Variants in AGAP2 observed in about 807,000 individuals in gnomAD.
AGAP2 encodes the protein ArfGAP with GTPase domain, ankyrin repeat and PH domain 2.
A neutral mutation model predicts 110.9 loss-of-function variants in AGAP2; 32 were observed. The observed-to-expected ratio is 0.29, with a 90% CI of 0.22 to 0.39. AGAP2 has a LOEUF of 0.39. AGAP2 is among the 10% of genes least tolerant of loss of function. The probability of loss-of-function intolerance (pLI) is 1.00; values close to 1 mark genes in which losing one functional copy is unlikely to be tolerated. For missense variants in AGAP2, 1,285 were observed against 1,638.5 expected, an observed-to-expected ratio of 0.78 and a Z score of 3.72; for synonymous variants, 702 against 713.0, an observed-to-expected ratio of 0.98 and a Z score of 0.25.
At position 57,732,487 on chromosome 12, in the gene AGAP2, G is replaced by A; in HGVS notation, c.1710C>T (p.Arg570=). 1 of 1,591,708 alleles carries A rather than the reference G, an allele frequency of 6.3e-7. No homozygotes were observed. Among genetic ancestry groups the A allele is most frequent in the Non-Finnish European group, 8.6e-7 (1 of 1,168,346 alleles). ...AGGCAGCCAGAAGCTGTTGCTGCTT[G>A]CGCAAGGTCACCACCTTCTGGGCCA... ...QEVAQKVVTL[R]KQQQLLAACK... The change falls in exon 7 of 19, where the codon CGC becomes CGT. Residue 570 remains arginine, a synonymous_variant. Transcript: ENST00000547588.
In AGAP2 at chr12:57,737,247, C is replaced by G. The variant is rs1331963125; in HGVS notation, c.1000G>C (p.Gly334Arg). 5 of 1,612,360 alleles carry G rather than the reference C, an allele frequency of 3.1e-6. No individual in the cohort carries two copies. Among genetic ancestry groups the G allele is most frequent in the Non-Finnish European group, 4.2e-6 (5 of 1,179,494 alleles). ...PAPGLKRGRE[G>R]GRASTRDRKM... ...CGGTCACGAGTGGATGCTCGGCCCC[C>G]CTCCCGGCCCCGTTTCAGCCCCGGA... Residue 334 changes from glycine (G) to arginine (R), a missense_variant, in exon 1 of 19, where the codon GGG (glycine) becomes CGG (arginine). Gly to Arg is a moderately radical substitution (Grantham distance 125, BLOSUM62 -2). Around this residue, in one of 7 missense-constraint regions of AGAP2, gnomAD observed 844 missense variants for 941.2 expected, o/e 0.90. Coordinates refer to ENST00000547588, the MANE Select transcript of AGAP2 (RefSeq NM_001122772.3). This position sits in a 1 kb window ranked among gnomAD's most constrained non-coding sequence, Gnocchi z 5.9.
Position 57,727,970 on chromosome 12 carries a change from G to T in AGAP2, c.2733C>A (p.Ala911=). ...TGCTGCTCTCACAGCATTGCAGACT[G>T]GCTAGGATCTGACTCTCGATGGCCT... ...WVQAIESQIL[A]SLQCCESSKV... The change falls in exon 15 of 19, where the codon GCC becomes GCA. Residue 911 remains alanine, a synonymous_variant. Coordinates refer to ENST00000547588, the MANE Select transcript of AGAP2 (RefSeq NM_001122772.3). 1.9e-6 allele frequency: 3 copies of T among 1,614,154 alleles called. No individual in the cohort carries two copies. The highest frequency in any genetic ancestry group is 2.5e-6 in the Non-Finnish European group (3 of 1,180,014).
rs1224532885 is a variant in AGAP2, at chr12:57,737,215, C to G, written c.1032G>C (p.Met344Ile). 1.2e-6 allele frequency: 2 copies of G among 1,607,856 alleles called. No homozygotes were observed. The highest frequency in any genetic ancestry group is 2.7e-5 in the African/African-American group (2 of 74,850). ...GGRASTRDRK[M>I]LKFISGIFTK... Reference sequence around the variant, plus strand: ...TGAAGATGCCGCTGATAAACTTGAGCATCTTGCGGTCACGAGTGGATGCTC... The same window carrying G: ...TGAAGATGCCGCTGATAAACTTGAGGATCTTGCGGTCACGAGTGGATGCTC... The change falls in exon 1 of 19, where the codon ATG (methionine) becomes ATC (isoleucine). Residue 344 changes from methionine (M) to isoleucine (I), a missense_variant. This residue lies in a region of AGAP2 where 844 missense variants were observed against 941.2 expected (regional missense o/e 0.90). Coordinates refer to ENST00000547588, the MANE Select transcript of AGAP2 (RefSeq NM_001122772.3). This position sits in a 1 kb window ranked among gnomAD's most constrained non-coding sequence, Gnocchi z 5.9.
intron 10 of AGAP2, 139 bp downstream of exon 10, chr12:57,731,227 T>G: frequency 1.2e-6 from 1 of 808,392 alleles, no homozygotes; most frequent in Admixed American, 2.5e-5. Context: ...TGGTGGGCTC[T>G]TAACACATGC....
rs1305950419 is a variant in AGAP2, at chr12:57,728,443, AAAG to A, written c.2558-69_2558-67del. The A allele has an allele frequency of 3.3e-6, 5 of 1,536,418 alleles. No individual in the cohort carries two copies. The East Asian group carries it at 9.0e-5, about 28-fold the overall frequency. ...GCAGAACAGAGAAAGAGAGACCAAG[AAAG>A]AAGGAGAAAAAGACAGGTAGATGGA... On this transcript the variant is annotated intron_variant, in intron 13 of 18. Transcript: ENST00000547588.
At chr12:57,736,978 A>G in intron 1 of AGAP2, 101 bp downstream of exon 1, 2 of 1,439,916 alleles carry the variant, frequency 1.4e-6, no homozygotes, top group South Asian at 3.0e-5. Flanking sequence ...CGCCCACCCC[A>G]GAGAAAAGCT....
chr12:57,727,906 G>T, intron 15 of AGAP2, 31 bp downstream of exon 15: 1 of 1,612,340 alleles, frequency 6.2e-7, no homozygotes, highest in Non-Finnish European at 8.5e-7. Flanking sequence ...AGTTCCTGCG[G>T]CCAGTCCTCC....
upstream of AGAP2, chr12:57,741,776 A>T: frequency 3.0e-6 from 3 of 1,016,534 alleles, no homozygotes; most frequent in Middle Eastern, 2.2e-4. Context: ...CATCCTCCCT[A>T]AATGTATTCT....
In AGAP2 at chr12:57,726,426, GT is replaced by G; in HGVS notation, c.*125del. ...GCGTGGGGGCTGTGCCCTCGTGGGG[GT>G]AGGAAGTGCTCCCGTGGGGCGGGGT... is the stretch of plus-strand genomic sequence containing the variant. On this transcript the variant is annotated 3_prime_UTR_variant, in exon 19 of 19. Coordinates refer to ENST00000547588, the MANE Select transcript of AGAP2 (RefSeq NM_001122772.3). The surrounding 1 kb of genome is among the most constrained non-coding windows in gnomAD (Gnocchi z 5.7). 2 of 974,386 alleles carry G rather than the reference GT, an allele frequency of 2.1e-6. No individual in the cohort carries two copies. Among genetic ancestry groups the G allele is most frequent in the Non-Finnish European group, 2.6e-6 (2 of 781,566 alleles). 60.4% of individuals were successfully genotyped at this position (974,386 alleles called of 1,614,324 possible). A position where few individuals can be genotyped will look rare whatever the true frequency, so the allele number is the denominator to read the frequency against.
Position 57,737,804 on chromosome 12 carries a change from G to C in AGAP2, c.443C>G (p.Pro148Arg), listed in dbSNP as rs750189612. The change falls in exon 1 of 19, where the codon CCG becomes CGG. Residue 148 changes from proline to arginine, a missense_variant. Physicochemically the swap from Pro to Arg is moderately radical, Grantham distance 103. Coordinates refer to ENST00000547588, the MANE Select transcript of AGAP2 (RefSeq NM_001122772.3). This position sits in a 1 kb window ranked among gnomAD's most constrained non-coding sequence, Gnocchi z 5.9. ...TSSRRPLLSSPSWGGPEPEGR... is the reference protein window; with the variant it reads ...TSSRRPLLSSRSWGGPEPEGR... ...TTCGGGCTCCGGGCCGCCCCAGCTC[G>C]GGCTGCTGAGCAGGGGGCGCCGGGA... 3 of 1,524,034 alleles carry C rather than the reference G, an allele frequency of 2.0e-6. No individual in the cohort carries two copies. The highest frequency in any genetic ancestry group is 2.6e-6 in the Non-Finnish European group (3 of 1,142,258). 94.4% of individuals were successfully genotyped at this position (1,524,034 alleles called of 1,614,324 possible).
Position 57,726,661 on chromosome 12 carries a change from G to T in AGAP2, c.3470C>A (p.Thr1157Asn). 8.3e-7 allele frequency: 1 copy of T among 1,205,388 alleles called. No individual in the cohort carries two copies. Among genetic ancestry groups the T allele is most frequent in the Non-Finnish European group, 1.0e-6 (1 of 970,618 alleles). 74.7% of individuals were successfully genotyped at this position (1,205,388 alleles called of 1,614,324 possible). Residue 1157 changes from threonine (T) to asparagine (N), a missense_variant, in exon 19 of 19, where the codon ACC (threonine) becomes AAC (asparagine). Physicochemically the swap from Thr to Asn is moderately conservative, Grantham distance 65 (BLOSUM62 0). This residue lies in a region of AGAP2 where 201 missense variants were observed against 276.1 expected (regional missense o/e 0.73). Transcript: ENST00000547588. This position sits in a 1 kb window ranked among gnomAD's most constrained non-coding sequence, Gnocchi z 5.7. ...GGGCGTGGTGGCCGCGCTGGGCGTG[G>T]TGGCCGCGCTGCCGCCCTCACCCGG... ...GCPGEGGSAATTPSAATTPSI... is the reference protein window; with the variant it reads ...GCPGEGGSAANTPSAATTPSI...
chr12:57,734,316 C>T lies in AGAP2; in HGVS notation c.1401+3G>A, dbSNP rs756258610. On this transcript the variant is annotated splice_donor_region_variant and intron_variant, in intron 4 of 18. Transcript: ENST00000547588. ...GCCTGTCCCCCACCACCTCCACCCT[C>T]ACCTTGGCATCAGGTGCCCCAGCTT... is the stretch of plus-strand genomic sequence containing the variant. 4 of 1,614,218 alleles carry T rather than the reference C, an allele frequency of 2.5e-6. No individual in the cohort carries two copies. In the East Asian group the frequency reaches 8.9e-5, roughly 36 times the overall value.
In AGAP2 at chr12:57,731,655, T is replaced by C. The variant is rs12307841; in HGVS notation, c.1954-13A>G. ...TACCCCGACGATTCTGGAATGGTTA[T>C]TGGAATCAGTTTGAGGATGGATAGA... is the stretch of plus-strand genomic sequence containing the variant. On this transcript the variant is annotated splice_polypyrimidine_tract_variant and intron_variant, in intron 8 of 18. Coordinates refer to ENST00000547588, the MANE Select transcript of AGAP2 (RefSeq NM_001122772.3). 0.12 allele frequency: 195,850 copies of C among 1,613,850 alleles called. 13,334 individuals are homozygous for C. Among genetic ancestry groups the C allele is most frequent in the Admixed American group, 0.26 (15,800 of 59,982 alleles).
chr12:57,727,794 C>T (rs762300087), intron 15 of AGAP2, 23 bp from the exon 16 acceptor site: 97 of 1,574,438 alleles, frequency 6.2e-5, no homozygotes, highest in Non-Finnish European at 8.3e-5. Context: ...TTTGGGTTGG[C>T]ACTGACTCTG....
At position 57,738,675 on chromosome 12, in the gene AGAP2, T is replaced by C. The variant is rs912317571; in HGVS notation, c.-429A>G. Among the ~76,000 whole-genome samples, 3 of 145,890 alleles carry C rather than the reference T, an allele frequency of 2.1e-5. No individual in the cohort carries two copies. The highest frequency in any genetic ancestry group is 6.8e-5 in the Admixed American group (1 of 14,808). ...TGCGGGGGAGGCAGGGGCGGGGAAT[T>C]GGGACTCAAGGGACAGGGGCCGCGG... On this transcript the variant is annotated 5_prime_UTR_variant, in exon 1 of 19. Coordinates refer to ENST00000547588, the MANE Select transcript of AGAP2 (RefSeq NM_001122772.3). The surrounding 1 kb of genome is among the most constrained non-coding windows in gnomAD (Gnocchi z 6.7).
intron 3 of AGAP2, 71 bp from the exon 4 acceptor site, chr12:57,734,475 G>A (rs1954943108): frequency 6.3e-7 from 1 of 1,591,338 alleles, no homozygotes; most frequent in Non-Finnish European, 8.6e-7. Context: ...TGCTCCCAGT[G>A]CTTTTGCTAT....
chr12:57,739,411 C>G (rs1955049666), upstream of AGAP2, among the ~76,000 whole-genome samples: 1 of 152,134 alleles, frequency 6.6e-6, no homozygotes, highest in Non-Finnish European at 1.5e-5. Flanking sequence ...GGGGCCAAGA[C>G]TTGAGCTCGA....
Position 57,730,942 on chromosome 12 carries a change from G to A in AGAP2, c.2157C>T (p.His719=), listed in dbSNP as rs763341869. 7.7e-6 allele frequency: 12 copies of A among 1,553,202 alleles called. No individual in the cohort carries two copies. The South Asian group carries it at 1.1e-4, about 14-fold the overall frequency. ...AGTCCATCTCCTTGCCGTGGGTACT[G>A]TGGATGTAATCCTGGAGGGGTACAG... ...LYHPSINDYI[H]STHGKEMDLL... The change falls in exon 11 of 19, where the codon CAC becomes CAT. Residue 719 remains histidine, a synonymous_variant. Transcript: ENST00000547588.
At position 57,734,349 on chromosome 12, in the gene AGAP2, G is replaced by C. The variant is rs780521921; in HGVS notation, c.1371C>G (p.Ile457Met). The change falls in exon 4 of 19, where the codon ATC becomes ATG. Residue 457 changes from isoleucine (I) to methionine (M), a missense_variant. By Grantham distance (10) the Ile-to-Met change is conservative. Coordinates refer to ENST00000547588, the MANE Select transcript of AGAP2 (RefSeq NM_001122772.3). ...LVDGQTHLVL[I>M]REEAGAPDAK... ...CATCAGGTGCCCCAGCTTCCTCTCG[G>C]ATTAGCACCAGATGTGTCTGTCCAT... The C allele has an allele frequency of 3.1e-6, 5 of 1,614,166 alleles. No homozygotes were observed. In the South Asian group the frequency reaches 5.5e-5, roughly 18 times the overall value.
Sources: gnomAD v4.1 joint callset for allele counts (sites outside exome capture counted in the v4.1 genomes callset) on GRCh38, gnomAD v4.1.1 for gene constraint, gnomAD v4.1.1 regional missense constraint, Gnocchi (gnomAD v3.1) non-coding constraint, MANE v1.5 for transcripts, NCBI Gene and HGNC (gene_info 2026-07-23, HGNC 2026-07-21) for gene names.